Variants in RGL3 observed in about 807,000 individuals in gnomAD.
RGL3 encodes the protein ral guanine nucleotide dissociation stimulator-like 3.
Under a neutral mutation model 90.6 loss-of-function variants are expected in RGL3, and 85 were observed. That is an observed-to-expected ratio of 0.94 (90% CI 0.79 to 1.12). RGL3 has a LOEUF of 1.12. Ranked by LOEUF, RGL3 falls within the 50% of genes most tolerant of loss-of-function variation. RGL3 has a pLI of 0.00. For missense variants in RGL3, 1,034 were observed against 939.2 expected, an observed-to-expected ratio of 1.10 and a Z score of -1.32; for synonymous variants, 408 against 385.5, an observed-to-expected ratio of 1.06 and a Z score of -0.68.
At chr19:11,413,135 A>G (rs1266348802) in intron 5 of RGL3, among the ~76,000 whole-genome samples, 1 of 150,438 alleles carries the variant, frequency 6.6e-6, no homozygotes, top group Non-Finnish European at 1.5e-5. Context: ...AAAATTATCT[A>G]TCTGCTATGT....
At chr19:11,419,119 TC>T in intron 1 of RGL3, 126 bp downstream of exon 1, 1 of 1,004,972 alleles carries the variant, frequency 1.0e-6, no homozygotes, top group Non-Finnish European at 1.4e-6. Context: ...GGGCCGCGAG[TC>T]CCCAGGAGGG....
intron 5 of RGL3, among the ~76,000 whole-genome samples, chr19:11,411,765 G>C (rs1968879119): frequency 1.3e-5 from 2 of 152,036 alleles, no homozygotes; most frequent in South Asian, 4.2e-4. Context: ...TGGGACTATA[G>C]GCAGTCACCA....
intron 3 of RGL3, 23 bp downstream of exon 3, chr19:11,416,813 G>T: frequency 6.2e-7 from 1 of 1,611,936 alleles, no homozygotes; most frequent in Non-Finnish European, 8.5e-7. Context: ...TGGAGAATAC[G>T]GAGGTTATGG....
chr19:11,402,152 G>A lies in RGL3; in HGVS notation c.1363-20C>T. ...CCACTCCTGGAGGACGAGCCTCTAAGACCCTACCCCTGCCCCACCCCCACC... is the reference window on the plus strand; with the variant it reads ...CCACTCCTGGAGGACGAGCCTCTAAAACCCTACCCCTGCCCCACCCCCACC... On this transcript the variant is annotated intron_variant, in intron 12 of 18. Transcript: ENST00000380456. The A allele has an allele frequency of 6.2e-7, 1 of 1,611,566 alleles. No homozygotes were observed. The highest frequency in any genetic ancestry group is 8.5e-7 in the Non-Finnish European group (1 of 1,178,996).
chr19:11,410,066 G>A (rs1336452098), intron 5 of RGL3, among the ~76,000 whole-genome samples: 1 of 151,724 alleles, frequency 6.6e-6, no homozygotes, highest in Non-Finnish European at 1.5e-5. Context: ...AGCCTCCTGA[G>A]CAACTGGGAC....
Position 11,415,931 on chromosome 19 carries a change from C to G in RGL3, c.637+6G>C, listed in dbSNP as rs762972635. ...CAGAACACGACTGGATCTGAAAACC[C>G]CTCACCTGTCCACACCTGAGGCGGC... is the stretch of plus-strand genomic sequence containing the variant. On this transcript the variant is annotated splice_donor_region_variant and intron_variant, in intron 5 of 18. Coordinates refer to ENST00000380456, the MANE Select transcript of RGL3 (RefSeq NM_001035223.4). 2.1e-5 allele frequency: 34 copies of G among 1,609,052 alleles called. 1 individual carries two copies. In the South Asian group the frequency reaches 3.6e-4, roughly 17 times the overall value.
chr19:11,413,517 AGAGCGAGGCTCCGTCTC>A (rs1968906759), intron 5 of RGL3, among the ~76,000 whole-genome samples: 1 of 135,204 alleles, frequency 7.4e-6, no homozygotes. Flanking sequence ...CCTGGGTGAC[AGAGCGAGGCTCCGTCTC>A]AAAAAAAAAA....
intron 5 of RGL3, among the ~76,000 whole-genome samples, chr19:11,414,154 TA>T (rs1249199235): frequency 1.1e-5 from 1 of 87,208 alleles, no homozygotes; most frequent in Non-Finnish European, 2.2e-5. Context: ...TATATATATA[TA>T]TATATATATA....
At chr19:11,399,812 G>T in intron 16 of RGL3, 43 bp downstream of exon 16, 1 of 1,107,376 alleles carries the variant, frequency 9.0e-7, no homozygotes. Context: ...CACAGAGCCT[G>T]GGTGCCCGCA....
At position 11,416,134 on chromosome 19, in the gene RGL3, A is replaced by G. The variant is rs930247064; in HGVS notation, c.440T>C (p.Val147Ala). The change falls in exon 5 of 19, where the codon GTG becomes GCG. Residue 147 changes from valine (V) to alanine (A), a missense_variant. Transcript: ENST00000380456. ...FNKNLRAVVS[V>A]LGSWLQDHPQ... is the part of the protein sequence containing the mutation. ...GTGGTCCTGCAGCCAGGAGCCCAGC[A>G]CTGACACCACAGCCCTGGCCAGAGA... 1 of 1,577,194 alleles carries G rather than the reference A, an allele frequency of 6.3e-7. No individual in the cohort carries two copies. Among genetic ancestry groups the G allele is most frequent in the African/African-American group, 1.4e-5 (1 of 73,398 alleles).
chr19:11,412,801 C>A (rs1968895953), intron 5 of RGL3, among the ~76,000 whole-genome samples: 1 of 151,818 alleles, frequency 6.6e-6, no homozygotes, highest in Non-Finnish European at 1.5e-5. Flanking sequence ...CCCGTCTCTA[C>A]TAAAACTACA....
rs145674805 is a variant in RGL3 at position 11,400,201 on chromosome 19, C to T, written c.1580+1G>A. Reference sequence around the variant, plus strand: ...GCCCCTACACACACCCCGAGACTCACGCACTGAGACGCTTGGTGAGGCTGA... The same window carrying T: ...GCCCCTACACACACCCCGAGACTCATGCACTGAGACGCTTGGTGAGGCTGA... On this transcript the variant is annotated splice_donor_variant, in intron 14 of 18. Coordinates refer to ENST00000380456, the MANE Select transcript of RGL3 (RefSeq NM_001035223.4). LOFTEE classifies it high-confidence loss of function. The T allele has an allele frequency of 8.2e-5, 129 of 1,580,096 alleles. No homozygotes were observed. Among genetic ancestry groups the T allele is most frequent in the South Asian group, 2.4e-4 (21 of 86,634 alleles).
At chr19:11,394,729 C>T in intron 18 of RGL3, 1 of 527,426 alleles carries the variant, frequency 1.9e-6, no homozygotes, top group East Asian at 3.4e-5. Flanking sequence ...CTTCCCTTAT[C>T]ATAAGCCTGG....
rs1381777057 is a variant in RGL3, at chr19:11,416,634, C to G, written c.405G>C (p.Leu135=). ...VEIKKTAVQD[L]SFNKNLRAVV... ...CCCACCTCAGGTTCTTGTTGAAGCT[C>G]AGATCTTGTACCGCTGTCTTCTTGA... Residue 135 remains leucine, a synonymous_variant, in exon 4 of 19, where the codon CTG becomes CTC. Transcript: ENST00000380456. The G allele has an allele frequency of 1.9e-6, 3 of 1,614,056 alleles. No individual in the cohort carries two copies. The highest frequency in any genetic ancestry group is 2.5e-6 in the Non-Finnish European group (3 of 1,180,036).
chr19:11,418,597 T>A, intron 2 of RGL3, 74 bp downstream of exon 2: 1 of 1,199,990 alleles, frequency 8.3e-7, no homozygotes, highest in Non-Finnish European at 1.2e-6. Flanking sequence ...CCTGGCGGCC[T>A]GTGCTCGGCT....
Position 11,399,961 on chromosome 19 carries a change from A to G in RGL3, c.1650-10T>C. 1 of 1,565,840 alleles carries G rather than the reference A, an allele frequency of 6.4e-7. No individual in the cohort carries two copies. The highest frequency in any genetic ancestry group is 8.6e-7 in the Non-Finnish European group (1 of 1,159,810). ...TGACCCTGGGGACACACTGGGGGAG[A>G]TGCAGAGGCTGAGGTGGGGTGGCTG... On this transcript the variant is annotated splice_polypyrimidine_tract_variant and intron_variant, in intron 15 of 18. Coordinates refer to ENST00000380456, the MANE Select transcript of RGL3 (RefSeq NM_001035223.4).
chr19:11,405,985 A>G (rs1467405274), intron 7 of RGL3, among the ~76,000 whole-genome samples: 2 of 151,338 alleles, frequency 1.3e-5, no homozygotes, highest in East Asian at 2.0e-4. Context: ...CCTCTCCCCA[A>G]AGTGCTGGGA....
intron 5 of RGL3, among the ~76,000 whole-genome samples, chr19:11,413,231 GAAA>G (rs765531257): frequency 1.1e-5 from 1 of 89,206 alleles, no homozygotes; most frequent in Non-Finnish European, 2.1e-5. Flanking sequence ...TTTTGAAAAA[GAAA>G]AAAAAAAAAA....
Position 11,397,355 on chromosome 19 carries a change from T to C in RGL3, c.1903A>G (p.Thr635Ala), listed in dbSNP as rs1156887981. Residue 635 changes from threonine (T) to alanine (A), a missense_variant, in exon 18 of 19, where the codon ACC (threonine) becomes GCC (alanine). Physicochemically the swap from Thr to Ala is moderately conservative, Grantham distance 58 (BLOSUM62 0). Coordinates refer to ENST00000380456, the MANE Select transcript of RGL3 (RefSeq NM_001035223.4). ...ACGCTGGGGGCTTTGTCCTGACTGG[T>C]CAGCTGGAAGAGAGGGGCGGGAGGT... The part of the protein sequence containing the change: ...HGNLYRSILL[T>A]SQDKAPSVVR... 1 of 1,600,214 alleles carries C rather than the reference T, an allele frequency of 6.2e-7. No homozygotes were observed. The highest frequency in any genetic ancestry group is 8.5e-7 in the Non-Finnish European group (1 of 1,172,664).
Sources: gnomAD v4.1 joint callset for allele counts (sites outside exome capture counted in the v4.1 genomes callset) on GRCh38, gnomAD v4.1.1 for gene constraint, MANE v1.5 for transcripts, NCBI Gene and HGNC (gene_info 2026-07-23, HGNC 2026-07-21) for gene names.